Variants in SCFD2 observed in about 807,000 individuals in gnomAD.
SCFD2 encodes sec1 family domain containing 2.
A neutral mutation model predicts 58.9 loss-of-function variants in SCFD2; 54 were observed. The observed-to-expected ratio is 0.92, with a 90% CI of 0.74 to 1.15. The LOEUF is 1.15. Among genes scored for constraint, SCFD2 ranks in the 50% most tolerant of loss-of-function variants. The probability of loss-of-function intolerance (pLI) is 0.00; values close to 1 mark genes in which losing one functional copy is unlikely to be tolerated. For missense variants in SCFD2, 805 were observed against 836.6 expected, an observed-to-expected ratio of 0.96 and a Z score of 0.47; for synonymous variants, 321 against 335.9, an observed-to-expected ratio of 0.96 and a Z score of 0.49.
At chr4:53,203,335 T>G (rs1728309838) in intron 4 of SCFD2, among the ~76,000 whole-genome samples, 1 of 151,626 alleles carries the variant, frequency 6.6e-6, no homozygotes. Flanking sequence ...ACATGAATTT[T>G]AAAAAGAGAA....
chr4:52,877,855 C>A (rs762733702), intron 8 of SCFD2, among the ~76,000 whole-genome samples: 8 of 152,200 alleles, frequency 5.3e-5, no homozygotes, highest in Non-Finnish European at 1.2e-4. Flanking sequence ...CCAGCCCTCC[C>A]GGAGAGCATC....
chr4:53,207,763 C>A, intron 4 of SCFD2, among the ~76,000 whole-genome samples: 1 of 138,300 alleles, frequency 7.2e-6, no homozygotes, highest in African/African-American at 2.7e-5. Context: ...CGTAGCACCT[C>A]CTCCTTCTCT....
intron 4 of SCFD2, among the ~76,000 whole-genome samples, chr4:53,261,569 A>G (rs988260347): frequency 7.2e-5 from 11 of 152,088 alleles, no homozygotes; most frequent in Non-Finnish European, 1.0e-4. Flanking sequence ...ATTTTATTCC[A>G]CTGTGGTCTG....
In SCFD2 at chr4:52,874,076, G is replaced by T. The variant is rs1175381145; in HGVS notation, c.1963-15C>A. The T allele has an allele frequency of 1.3e-6, 2 of 1,574,058 alleles. No individual in the cohort carries two copies. The highest frequency in any genetic ancestry group is 1.7e-6 in the Non-Finnish European group (2 of 1,143,610). On this transcript the variant is annotated splice_polypyrimidine_tract_variant and intron_variant, in intron 8 of 8. Transcript: ENST00000401642. ...AGCACGATTACCTAACAACAGGAGA[G>T]GGCAAACACACCGCAGGGAATTAGG...
intron 4 of SCFD2, among the ~76,000 whole-genome samples, chr4:53,146,820 A>G (rs1314177216): frequency 6.6e-6 from 1 of 152,152 alleles, no homozygotes; most frequent in African/African-American, 2.4e-5. Flanking sequence ...TTTATTAGTT[A>G]TTGTTAATCT....
intron 7 of SCFD2, among the ~76,000 whole-genome samples, chr4:52,893,461 A>T (rs1718926300): frequency 6.6e-6 from 1 of 152,198 alleles, no homozygotes; most frequent in Non-Finnish European, 1.5e-5. Flanking sequence ...ATCAGTCTTT[A>T]CTGACAGCCC....
intron 5 of SCFD2, among the ~76,000 whole-genome samples, chr4:53,141,449 AAAAAC>A (rs931589183): frequency 1.3e-5 from 2 of 152,198 alleles, no homozygotes; most frequent in Non-Finnish European, 2.9e-5. Context: ...GAGACAGGAA[AAAAAC>A]AAAACAAAAC....
Position 53,066,178 on chromosome 4 carries a change from G to A in SCFD2, c.1561+79155C>T, listed in dbSNP as rs1343057793. Among the ~76,000 whole-genome samples, 5 of 152,036 alleles carry A rather than the reference G, an allele frequency of 3.3e-5. No homozygotes were observed. The South Asian group carries it at 1.0e-3, about 32-fold the overall frequency. ...AATTCAAGTATTAAAAACAGTGCTT[G>A]ACAAAACTCTTTACCTTATCAAAAA... On this transcript the variant is annotated intron_variant, in intron 5 of 8. Transcript: ENST00000401642.
At chr4:53,258,358 ATT>A (rs1730713246) in intron 4 of SCFD2, among the ~76,000 whole-genome samples, 1 of 151,778 alleles carries the variant, frequency 6.6e-6, no homozygotes, top group Non-Finnish European at 1.5e-5. Flanking sequence ...CCACTGTATC[ATT>A]CTTATGTCTT....
At chr4:53,356,186 G>T (rs1734394955) in intron 1 of SCFD2, among the ~76,000 whole-genome samples, 1 of 152,172 alleles carries the variant, frequency 6.6e-6, no homozygotes, top group African/African-American at 2.4e-5. Context: ...CCATAGGGCT[G>T]CTTGAGTCTC....
At chr4:53,092,748 A>C (rs893580758) in intron 5 of SCFD2, among the ~76,000 whole-genome samples, 2 of 152,208 alleles carry the variant, frequency 1.3e-5, no homozygotes, top group Non-Finnish European at 2.9e-5. Flanking sequence ...TTTATATAAC[A>C]ATCTTGAAAT....
intron 2 of SCFD2, among the ~76,000 whole-genome samples, chr4:53,323,014 T>G (rs568638524): frequency 6.6e-6 from 1 of 152,358 alleles, no homozygotes; most frequent in African/African-American, 2.4e-5. Flanking sequence ...AAGGTTCATT[T>G]CAATCAGCAT....
chr4:53,353,971 A>T (rs1324222238), intron 1 of SCFD2, among the ~76,000 whole-genome samples: 3 of 152,268 alleles, frequency 2.0e-5, no homozygotes, highest in Non-Finnish European at 4.4e-5. Flanking sequence ...CTAGCTAGAC[A>T]TAAAAGTTCT....
At chr4:52,989,224 G>A (rs183750793) in intron 5 of SCFD2, among the ~76,000 whole-genome samples, 2 of 152,286 alleles carry the variant, frequency 1.3e-5, no homozygotes, top group Admixed American at 1.3e-4. Flanking sequence ...CTAGTTCTGT[G>A]ACTAATTTGT....
chr4:53,196,791 T>C (rs1017268560), intron 4 of SCFD2, among the ~76,000 whole-genome samples: 1 of 149,664 alleles, frequency 6.7e-6, no homozygotes, highest in African/African-American at 2.5e-5. Flanking sequence ...AAAAAAAAAG[T>C]CTAAATCATG....
At chr4:53,228,055 T>A (rs1050730285) in intron 4 of SCFD2, among the ~76,000 whole-genome samples, 5 of 152,108 alleles carry the variant, frequency 3.3e-5, no homozygotes, top group African/African-American at 4.8e-5. Flanking sequence ...ATACTTAACT[T>A]CTCTAAGCTT....
chr4:53,214,655 A>G (rs2148985902), intron 4 of SCFD2, among the ~76,000 whole-genome samples: 1 of 152,172 alleles, frequency 6.6e-6, no homozygotes, highest in East Asian at 1.9e-4. Flanking sequence ...TCTTTAGTTT[A>G]ATTAGATCCC....
At chr4:53,211,216 C>G (rs1728599478) in intron 4 of SCFD2, among the ~76,000 whole-genome samples, 1 of 149,412 alleles carries the variant, frequency 6.7e-6, no homozygotes, top group South Asian at 2.1e-4. Flanking sequence ...GCCCTCCAGC[C>G]TGATGACAGA....
chr4:52,973,513 T>A (rs1721166292), intron 5 of SCFD2, among the ~76,000 whole-genome samples: 1 of 152,150 alleles, frequency 6.6e-6, no homozygotes, highest in South Asian at 2.1e-4. Context: ...GCTCTGAAAT[T>A]GAGGCAATAA....
Sources: gnomAD v4.1 joint callset for allele counts (sites outside exome capture counted in the v4.1 genomes callset) on GRCh38, gnomAD v4.1.1 for gene constraint, MANE v1.5 for transcripts, NCBI Gene and HGNC (gene_info 2026-07-23, HGNC 2026-07-21) for gene names.